Variants in EBF1 observed in about 807,000 individuals in gnomAD.
EBF1 encodes the protein EBF transcription factor 1, also known as transcription factor COE1.
EBF1 carries 10 observed loss-of-function variants against 68.4 expected under a neutral mutation model. That is an observed-to-expected ratio of 0.15 (90% CI 0.09 to 0.25). The LOEUF (loss-of-function observed/expected upper bound fraction) is 0.25. EBF1 is among the 10% of genes least tolerant of loss of function. The pLI, the probability that EBF1 is intolerant of heterozygous loss-of-function variation, is 1.00. For missense variants in EBF1, 509 were observed against 794.4 expected (o/e 0.64, Z 4.32); for synonymous variants, 298 against 299.8 (o/e 0.99, Z 0.06).
At chr5:158,811,831 C>T (rs1464346197) in intron 8 of EBF1, among the ~76,000 whole-genome samples, 1 of 152,118 alleles carries the variant, frequency 6.6e-6, no homozygotes, top group Non-Finnish European at 1.5e-5. Context: ...CCTAACCTAC[C>T]TTCCCTATTT....
At chr5:159,028,722 T>G (rs1177060056) in intron 6 of EBF1, among the ~76,000 whole-genome samples, 1 of 152,196 alleles carries the variant, frequency 6.6e-6, no homozygotes, top group Non-Finnish European at 1.5e-5. Flanking sequence ...GAGGACTGGA[T>G]GACTGGGTGG....
chr5:158,714,036 T>C, intron 12 of EBF1, 81 bp downstream of exon 12: 1 of 1,442,474 alleles, frequency 6.9e-7, no homozygotes, highest in South Asian at 1.2e-5. Flanking sequence ...ATATTGTTTG[T>C]GCTTTCTCAT....
chr5:158,713,286 T>C, intron 12 of EBF1, 139 bp from the exon 13 acceptor site: 1 of 725,580 alleles, frequency 1.4e-6, no homozygotes, highest in Non-Finnish European at 1.9e-6. Flanking sequence ...GACAAACCTG[T>C]TATATTAGTC....
intron 1 of EBF1, among the ~76,000 whole-genome samples, chr5:159,098,895 AAAAG>A (rs892445282): frequency 4.7e-5 from 7 of 150,526 alleles, no homozygotes; most frequent in Admixed American, 3.9e-4. Context: ...AAAAGAAAGA[AAAAG>A]AAAAAAGAAA....
chr5:158,882,415 C>T (rs568085580), intron 6 of EBF1, among the ~76,000 whole-genome samples: 1 of 152,244 alleles, frequency 6.6e-6, no homozygotes, highest in East Asian at 1.9e-4. Context: ...TCCCCAGAGC[C>T]TGCCACGTAT....
At chr5:159,096,042 T>A (rs1435510641) in intron 3 of EBF1, among the ~76,000 whole-genome samples, 1 of 152,224 alleles carries the variant, frequency 6.6e-6, no homozygotes, top group East Asian at 1.9e-4. Flanking sequence ...GCCATGGGCC[T>A]GCAGCCTGGG....
chr5:159,075,586 C>G (rs1778618666), intron 5 of EBF1, among the ~76,000 whole-genome samples: 1 of 152,160 alleles, frequency 6.6e-6, no homozygotes, highest in South Asian at 2.1e-4. Flanking sequence ...TCCTCCCCCA[C>G]TACACCATCT....
chr5:158,873,349 T>TATAGAGTCA (rs1342980346), intron 6 of EBF1, among the ~76,000 whole-genome samples: 1 of 152,184 alleles, frequency 6.6e-6, no homozygotes, highest in African/African-American at 2.4e-5. Context: ...CCTTTGACTC[T>TATAGAGTCA]ATAGAATACA....
intron 6 of EBF1, among the ~76,000 whole-genome samples, chr5:158,921,952 C>T (rs763481525): frequency 3.9e-5 from 6 of 152,192 alleles, no homozygotes; most frequent in Non-Finnish European, 7.4e-5. Context: ...TTTTGCCTCA[C>T]GATCCATAGC....
rs12654346 is a variant in EBF1, at chr5:158,763,323, A to C, written c.1036+14090T>G. The stretch of plus-strand genomic sequence containing the variant: ...CAAATGGACCCAGGGAATATGATCC[A>C]CCAGTTCCAATGAGGTCTTCCAACA... On this transcript the variant is annotated intron_variant, in intron 10 of 15. Transcript: ENST00000313708. Among the ~76,000 whole-genome samples, 477 of 152,310 alleles carry C rather than the reference A, an allele frequency of 3.1e-3. 12 individuals carry two copies. The East Asian group carries it at 0.075, about 24-fold the overall frequency.
chr5:158,936,808 G>A (rs367601495), intron 6 of EBF1, among the ~76,000 whole-genome samples: 14 of 152,280 alleles, frequency 9.2e-5, no homozygotes, highest in South Asian at 2.1e-4. Flanking sequence ...ATAGTATCAC[G>A]AACAGAGTAG....
intron 10 of EBF1, among the ~76,000 whole-genome samples, chr5:158,732,616 G>A (rs1408437112): frequency 1.3e-5 from 2 of 151,948 alleles, no homozygotes; most frequent in African/African-American, 4.8e-5. Flanking sequence ...GCATAAAGTG[G>A]CCAGAAATCC....
chr5:159,026,111 G>A (rs1156865409), intron 6 of EBF1, among the ~76,000 whole-genome samples: 1 of 152,148 alleles, frequency 6.6e-6, no homozygotes, highest in Non-Finnish European at 1.5e-5. Flanking sequence ...TCAGGAAGGT[G>A]ATTTCAGATG....
At chr5:159,086,319 TAC>T (rs1238228914) in intron 4 of EBF1, among the ~76,000 whole-genome samples, 3 of 152,160 alleles carry the variant, frequency 2.0e-5, no homozygotes, top group African/African-American at 4.8e-5. Flanking sequence ...ATAACCACAG[TAC>T]AGTTATCTAA....
At chr5:158,704,513 A>T (rs1757446295) in intron 15 of EBF1, among the ~76,000 whole-genome samples, 1 of 152,200 alleles carries the variant, frequency 6.6e-6, no homozygotes, top group Non-Finnish European at 1.5e-5. Context: ...CACAATTCTG[A>T]ACTAGGTGGG....
At chr5:158,935,613 T>C (rs1811847098) in intron 6 of EBF1, among the ~76,000 whole-genome samples, 1 of 152,166 alleles carries the variant, frequency 6.6e-6, no homozygotes, top group African/African-American at 2.4e-5. Flanking sequence ...GGATAGCACA[T>C]AGAAAAAGAC....
chr5:159,006,956 A>C (rs186458201), intron 6 of EBF1, among the ~76,000 whole-genome samples: 2 of 152,332 alleles, frequency 1.3e-5, no homozygotes, highest in Admixed American at 1.3e-4. Context: ...ACTTCTCAAA[A>C]GAATGTCACC....
At chr5:159,035,738 T>C (rs1417163334) in intron 6 of EBF1, among the ~76,000 whole-genome samples, 1 of 152,194 alleles carries the variant, frequency 6.6e-6, no homozygotes, top group Non-Finnish European at 1.5e-5. Flanking sequence ...AGGCAAGAAA[T>C]CACTTTTCAG....
intron 6 of EBF1, among the ~76,000 whole-genome samples, chr5:158,855,239 T>C (rs191757082): frequency 5.9e-5 from 9 of 152,340 alleles, no homozygotes; most frequent in Admixed American, 5.9e-4. Flanking sequence ...TCAATAACAA[T>C]TTTTTAAAAA....
Sources: gnomAD v4.1 joint callset for allele counts (sites outside exome capture counted in the v4.1 genomes callset) on GRCh38, gnomAD v4.1.1 for gene constraint, MANE v1.5 for transcripts, NCBI Gene and HGNC (gene_info 2026-07-23, HGNC 2026-07-21) for gene names.